FANCB: variants seen among roughly 807,000 people sequenced by gnomAD.
FANCB encodes FA complementation group B.
Under a neutral mutation model 38.9 loss-of-function variants are expected in FANCB, and 5 were observed. The ratio of observed to expected loss-of-function variants is 0.13; its 90% confidence interval spans 0.07 to 0.27. FANCB has a LOEUF of 0.27. Among genes scored for constraint, FANCB ranks in the 10% least tolerant of loss-of-function variants. The pLI, the probability that FANCB is intolerant of heterozygous loss-of-function variation, is 1.00. For synonymous variants in FANCB, 236 were observed against 215.4 expected, an observed-to-expected ratio of 1.10 and a Z score of -0.84; for missense variants, 573 against 602.7, an observed-to-expected ratio of 0.95 and a Z score of 0.52.
At chrX:14,713,488 C>T in the FANCB span, among the ~76,000 whole-genome samples, 1 of 112,007 alleles carries the variant, frequency 8.9e-6, no homozygotes, top group Non-Finnish European at 1.9e-5. Context: ...TTCTAAACTA[C>T]TCTCTAAGGC....
chrX:14,712,170 C>T, the FANCB span, among the ~76,000 whole-genome samples: 1 of 112,773 alleles, frequency 8.9e-6, no homozygotes, highest in African/African-American at 3.2e-5. Context: ...TTGTCTGTAT[C>T]AGGGTTTCCC....
downstream of FANCB, among the ~76,000 whole-genome samples, chrX:14,841,515 T>C (rs368892142): frequency 3.8e-4 from 42 of 111,920 alleles, no homozygotes; most frequent in African/African-American, 1.0e-3. Flanking sequence ...CTGAGGACAA[T>C]AGGAGAGTCA....
At chrX:14,734,530 T>TA in the FANCB span, among the ~76,000 whole-genome samples, 2 of 111,898 alleles carry the variant, frequency 1.8e-5, no homozygotes, top group Non-Finnish European at 3.8e-5. Context: ...TTCTTTTCTT[T>TA]AAGCATGCTG....
chrX:14,855,675 G>A (rs910996911), intron 5 of FANCB, among the ~76,000 whole-genome samples: 1 of 112,042 alleles, frequency 8.9e-6, no homozygotes, highest in South Asian at 3.6e-4. Flanking sequence ...AATTACTCAC[G>A]ATGCCTTTTT....
At chrX:14,787,011 A>G in the FANCB span, among the ~76,000 whole-genome samples, 4 of 111,460 alleles carry the variant, frequency 3.6e-5, no homozygotes, top group Non-Finnish European at 5.6e-5. Flanking sequence ...CTCTGAGAAA[A>G]GTTAATTTTT....
At chrX:14,723,314 A>T in the FANCB span, among the ~76,000 whole-genome samples, 1 of 111,871 alleles carries the variant, frequency 8.9e-6, no homozygotes, top group African/African-American at 3.3e-5. Flanking sequence ...ATCCATCTCT[A>T]AGACCTGTTG....
chrX:14,794,373 G>A, the FANCB span, among the ~76,000 whole-genome samples: 26 of 111,070 alleles, frequency 2.3e-4, no homozygotes, highest in Admixed American at 2.5e-3. Context: ...AAGGATGAAA[G>A]GTAAAATAAT....
the FANCB span, among the ~76,000 whole-genome samples, chrX:14,710,625 T>C: frequency 0.029 from 3,289 of 111,788 alleles, 94 homozygotes; most frequent in African/African-American, 0.087. Flanking sequence ...CAAAGATAAT[T>C]GAAAGAGGAA....
downstream of FANCB, among the ~76,000 whole-genome samples, chrX:14,832,489 G>A (rs1231409801): frequency 9.0e-6 from 1 of 111,370 alleles, no homozygotes; most frequent in Non-Finnish European, 1.9e-5. Context: ...ATCTTTTTGG[G>A]GGGACATAAT....
intron 4 of FANCB, among the ~76,000 whole-genome samples, chrX:14,858,260 T>G (rs2092431473): frequency 9.1e-6 from 1 of 110,143 alleles, no homozygotes; most frequent in African/African-American, 3.3e-5. Context: ...CCAGGCATAG[T>G]GGCGCGCACC....
At chrX:14,783,810 T>C in the FANCB span, among the ~76,000 whole-genome samples, 4 of 113,036 alleles carry the variant, frequency 3.5e-5, no homozygotes, top group Non-Finnish European at 7.5e-5. Flanking sequence ...GCAACAGCTA[T>C]AAATGCCAAG....
the FANCB span, among the ~76,000 whole-genome samples, chrX:14,732,180 C>T: frequency 1.6e-3 from 173 of 111,469 alleles, no homozygotes; most frequent in African/African-American, 5.1e-3. Flanking sequence ...TGGTGGTTTC[C>T]AGCTTCAGCC....
rs2092461641 is a variant in FANCB, at chrX:14,864,759, T to C, written c.752A>G (p.Gln251Arg). 5 of 1,211,193 alleles carry C rather than the reference T, an allele frequency of 4.1e-6. No homozygotes were observed. The highest frequency in any genetic ancestry group is 5.6e-6 in the Non-Finnish European group (5 of 894,856). The part of the protein sequence containing the change: ...HICATEIIKN[Q>R]LRISLIALTR... Reference sequence around the variant, plus strand: ...AAGGGCAATGAGAGATATTCTTAACTGGTTTTTGATGATCTCAGTTGCACA... The same window carrying C: ...AAGGGCAATGAGAGATATTCTTAACCGGTTTTTGATGATCTCAGTTGCACA... Residue 251 changes from glutamine (Q) to arginine (R), a missense_variant, in exon 3 of 10, where the codon CAG (glutamine) becomes CGG (arginine). Transcript: ENST00000650831.
the FANCB span, among the ~76,000 whole-genome samples, chrX:14,737,734 A>C: frequency 8.0e-5 from 9 of 112,732 alleles, no homozygotes; most frequent in South Asian, 2.2e-3. Context: ...ATTGGGCAAG[A>C]AGCTTCACAA....
At chrX:14,833,631 T>G (rs2092332952), downstream of FANCB, among the ~76,000 whole-genome samples, 1 of 107,177 alleles carries the variant, frequency 9.3e-6, no homozygotes, top group African/African-American at 3.4e-5. Context: ...GCAGTGGCTC[T>G]TAACCCTGGC....
intron 5 of FANCB, 147 bp from the exon 6 acceptor site, chrX:14,853,314 T>C (rs546717363): frequency 4.1e-6 from 2 of 490,788 alleles, no homozygotes; most frequent in East Asian, 4.1e-5. Flanking sequence ...CAAAACAGTT[T>C]TGTTTATAGA....
chrX:14,844,467 A>G, intron 9 of FANCB, 36 bp downstream of exon 9: 1 of 984,930 alleles, frequency 1.0e-6, no homozygotes, highest in South Asian at 1.9e-5. Context: ...ATACACACTC[A>G]CTTCTCTGGA....
the FANCB span, among the ~76,000 whole-genome samples, chrX:14,777,815 C>A: frequency 0.028 from 3,108 of 112,006 alleles, 99 homozygotes; most frequent in African/African-American, 0.096. Context: ...CAATCACTAC[C>A]CGATATCACG....
At chrX:14,727,412 C>T in the FANCB span, among the ~76,000 whole-genome samples, 4 of 111,907 alleles carry the variant, frequency 3.6e-5, no homozygotes, top group East Asian at 2.8e-4. Context: ...ATTCCCAGAG[C>T]GGATCTCTCT....
Sources: gnomAD v4.1 joint callset for allele counts (sites outside exome capture counted in the v4.1 genomes callset) on GRCh38, gnomAD v4.1.1 for gene constraint, MANE v1.5 for transcripts, NCBI Gene and HGNC (gene_info 2026-07-23, HGNC 2026-07-21) for gene names.